Variants in GRM8 observed in about 807,000 individuals in gnomAD.
GRM8 encodes the protein glutamate metabotropic receptor 8, also known as metabotropic glutamate receptor 8.
A neutral mutation model predicts 87.2 loss-of-function variants in GRM8; 47 were observed. The ratio of observed to expected loss-of-function variants is 0.54; its 90% CI spans 0.43 to 0.69. The LOEUF (loss-of-function observed/expected upper bound fraction) is 0.69. GRM8 is among the 30% of genes least tolerant of loss of function. GRM8 has a pLI of 0.00. For missense variants in GRM8, 1,019 were observed against 1,139.2 expected, an observed-to-expected ratio of 0.89 and a Z score of 1.52; for synonymous variants, 396 against 404.5, an observed-to-expected ratio of 0.98 and a Z score of 0.25.
chr7:126,446,077 T>C, intron 10 of GRM8, 49 bp downstream of exon 10: 5 of 1,607,056 alleles, frequency 3.1e-6, no homozygotes, highest in Non-Finnish European at 4.3e-6. Context: ...GTACATCTAT[T>C]AGGAAGTGCT....
intron 6 of GRM8, among the ~76,000 whole-genome samples, chr7:126,850,222 C>T (rs1349215152): frequency 6.6e-6 from 1 of 152,154 alleles, no homozygotes; most frequent in Admixed American, 6.5e-5. Context: ...TGCAGTTGGT[C>T]ATTTTCATCT....
intron 3 of GRM8, among the ~76,000 whole-genome samples, chr7:126,986,115 G>A (rs1205424333): frequency 1.3e-5 from 2 of 152,050 alleles, no homozygotes; most frequent in Non-Finnish European, 2.9e-5. Context: ...CTGGGCTCAA[G>A]TGATCCTTCC....
intron 8 of GRM8, among the ~76,000 whole-genome samples, chr7:126,569,242 G>A (rs1323858157): frequency 6.6e-6 from 1 of 151,960 alleles, no homozygotes; most frequent in African/African-American, 2.4e-5. Context: ...GTTTTGTTTT[G>A]TATTTTACAT....
chr7:126,860,264 C>T (rs1288277380), intron 6 of GRM8, among the ~76,000 whole-genome samples: 1 of 152,182 alleles, frequency 6.6e-6, no homozygotes, highest in East Asian at 1.9e-4. Flanking sequence ...CTCCTCAACT[C>T]TCTGACTTCG....
intron 7 of GRM8, among the ~76,000 whole-genome samples, chr7:126,718,192 ACGCCACTG>A: frequency 6.6e-6 from 1 of 152,222 alleles, no homozygotes; most frequent in South Asian, 2.1e-4. Flanking sequence ...AGCCGAGATC[ACGCCACTG>A]CACTCAGTGT....
intron 7 of GRM8, among the ~76,000 whole-genome samples, chr7:126,757,990 T>A (rs1817200288): frequency 6.6e-6 from 1 of 152,084 alleles, no homozygotes; most frequent in East Asian, 1.9e-4. Flanking sequence ...AAGGGCAAAC[T>A]AAAAAGTCTA....
intron 6 of GRM8, among the ~76,000 whole-genome samples, chr7:126,840,036 A>T (rs1229589531): frequency 7.2e-5 from 11 of 152,180 alleles, no homozygotes. Flanking sequence ...ATGCAATTTT[A>T]GTTGTTTTTT....
intron 6 of GRM8, among the ~76,000 whole-genome samples, chr7:126,835,730 GA>G (rs1490788027): frequency 3.3e-5 from 5 of 152,106 alleles, no homozygotes; most frequent in Non-Finnish European, 7.4e-5. Flanking sequence ...ATTCCCTCAG[GA>G]AAACTAAAAT....
At chr7:127,033,712 C>A in intron 3 of GRM8, among the ~76,000 whole-genome samples, 1 of 152,072 alleles carries the variant, frequency 6.6e-6, no homozygotes, top group Non-Finnish European at 1.5e-5. Flanking sequence ...TCCCACAAAC[C>A]TTTAGATAGA....
At chr7:127,049,872 G>C (rs1360840437) in intron 3 of GRM8, among the ~76,000 whole-genome samples, 1 of 152,116 alleles carries the variant, frequency 6.6e-6, no homozygotes, top group Non-Finnish European at 1.5e-5. Context: ...AGAAGGGCTT[G>C]TGCTTGATAG....
chr7:127,198,080 C>G (rs1795387522), intron 2 of GRM8, among the ~76,000 whole-genome samples: 1 of 151,884 alleles, frequency 6.6e-6, no homozygotes, highest in Non-Finnish European at 1.5e-5. Context: ...AATATTCATA[C>G]TTTTGTATTT....
intron 7 of GRM8, among the ~76,000 whole-genome samples, chr7:126,714,323 T>A (rs80343099): frequency 3.5e-4 from 50 of 141,174 alleles, no homozygotes; most frequent in South Asian, 2.0e-3. Context: ...ATAATAATAA[T>A]AAATAGTATC....
intron 3 of GRM8, among the ~76,000 whole-genome samples, chr7:127,063,252 A>AAAACAAACAAAC (rs3039782): frequency 1.3e-5 from 2 of 149,834 alleles, no homozygotes; most frequent in African/African-American, 4.9e-5. Flanking sequence ...GACTCCATCA[A>AAAACAAACAAAC]AAACAAACAA....
chr7:126,713,817 T>C (rs1304363379), intron 7 of GRM8, among the ~76,000 whole-genome samples: 4 of 152,052 alleles, frequency 2.6e-5, no homozygotes, highest in African/African-American at 7.2e-5. Flanking sequence ...AGTTTAATTG[T>C]GGTAACCACT....
chr7:126,522,605 C>G (rs756140319), intron 9 of GRM8, among the ~76,000 whole-genome samples: 23 of 152,182 alleles, frequency 1.5e-4, no homozygotes, highest in Non-Finnish European at 3.4e-4. Context: ...TCCCAGTTCT[C>G]CTTGTGGCTA....
intron 2 of GRM8, among the ~76,000 whole-genome samples, chr7:127,154,214 C>T (rs1317650723): frequency 6.6e-6 from 1 of 152,116 alleles, no homozygotes; most frequent in Non-Finnish European, 1.5e-5. Flanking sequence ...CCTTGGAACT[C>T]AGGCAGAAAA....
At chr7:126,993,354 A>C (rs1046071114) in intron 3 of GRM8, among the ~76,000 whole-genome samples, 1 of 152,210 alleles carries the variant, frequency 6.6e-6, no homozygotes, top group African/African-American at 2.4e-5. Flanking sequence ...CAGCCATGAA[A>C]AGGAATGGAG....
intron 6 of GRM8, among the ~76,000 whole-genome samples, chr7:126,901,922 A>T (rs1207445182): frequency 6.6e-6 from 1 of 152,138 alleles, no homozygotes; most frequent in East Asian, 1.9e-4. Flanking sequence ...GCTCAGTTCT[A>T]AGTAACTCTG....
intron 8 of GRM8, among the ~76,000 whole-genome samples, chr7:126,557,802 C>A (rs532592512): frequency 2.0e-4 from 31 of 151,880 alleles, no homozygotes; most frequent in Non-Finnish European, 4.1e-4. Context: ...TGTATATTGA[C>A]AAAGTATGTG....
Sources: allele counts gnomAD v4.1 joint callset (sites outside exome capture counted in the v4.1 genomes callset), GRCh38; gene constraint gnomAD v4.1.1; transcripts MANE v1.5; gene names NCBI Gene and HGNC (gene_info 2026-07-23, HGNC 2026-07-21).